Variants in PELI2 observed in about 807,000 individuals in gnomAD.
PELI2 encodes E3 ubiquitin-protein ligase pellino homolog 2.
In PELI2, 23 loss-of-function variants were observed where a neutral mutation model predicts 42.3. That is an observed-to-expected ratio of 0.54 (90% CI 0.39 to 0.77). The LOEUF is 0.77. PELI2 is among the 30% of genes least tolerant of loss of function. The probability of loss-of-function intolerance (pLI) is 0.00; values close to 1 mark genes in which losing one functional copy is unlikely to be tolerated. For missense variants in PELI2, 463 were observed against 553.2 expected (o/e 0.84, Z 1.64); for synonymous variants, 245 against 212.2 (o/e 1.15, Z -1.34).
At chr14:56,198,010 A>ACACACACACACACC (rs772024884) in intron 2 of PELI2, among the ~76,000 whole-genome samples, 11 of 114,706 alleles carry the variant, frequency 9.6e-5, no homozygotes, top group African/African-American at 2.4e-4. Context: ...ACACACACAC[A>ACACACACACACACC]CACCCACCTC....
chr14:56,282,461 A>G (rs1163561423), intron 3 of PELI2, among the ~76,000 whole-genome samples: 1 of 152,074 alleles, frequency 6.6e-6, no homozygotes, highest in Non-Finnish European at 1.5e-5. Flanking sequence ...AAAATCTCCA[A>G]AATGATTAAC....
At chr14:56,278,821 T>C (rs1435236732) in intron 2 of PELI2, among the ~76,000 whole-genome samples, 1 of 152,154 alleles carries the variant, frequency 6.6e-6, no homozygotes, top group African/African-American at 2.4e-5. Context: ...TAAAATTTTG[T>C]TATACTTAAT....
chr14:56,235,415 C>G (rs1887755094), intron 2 of PELI2, among the ~76,000 whole-genome samples: 1 of 152,244 alleles, frequency 6.6e-6, no homozygotes, highest in South Asian at 2.1e-4. Flanking sequence ...TCTCAGAACT[C>G]TGGCTCACTC....
At chr14:56,148,581 T>C (rs1050134444) in intron 1 of PELI2, among the ~76,000 whole-genome samples, 1 of 152,212 alleles carries the variant, frequency 6.6e-6, no homozygotes, top group African/African-American at 2.4e-5. Context: ...CCTTGTCTGC[T>C]CCGAACATAT....
intron 2 of PELI2, among the ~76,000 whole-genome samples, chr14:56,240,997 C>T (rs1174666920): frequency 6.6e-6 from 1 of 152,032 alleles, no homozygotes; most frequent in Non-Finnish European, 1.5e-5. Context: ...GGGGATTTTT[C>T]AAAGTGAAAA....
At chr14:56,224,568 T>C (rs948179797) in intron 2 of PELI2, among the ~76,000 whole-genome samples, 3 of 152,246 alleles carry the variant, frequency 2.0e-5, no homozygotes, top group Non-Finnish European at 4.4e-5. Context: ...TAAAGTGTTA[T>C]GTATCTTTCT....
chr14:56,250,783 T>C (rs1888317822), intron 2 of PELI2, among the ~76,000 whole-genome samples: 3 of 152,148 alleles, frequency 2.0e-5, no homozygotes, highest in Admixed American at 2.0e-4. Flanking sequence ...TAATCTCCTT[T>C]GGCGACACCC....
chr14:56,183,774 A>G (rs1191567427), intron 2 of PELI2, among the ~76,000 whole-genome samples: 1 of 152,194 alleles, frequency 6.6e-6, no homozygotes, highest in Non-Finnish European at 1.5e-5. Flanking sequence ...GGAAGGAACA[A>G]CATCTGAAAT....
chr14:56,202,154 G>T (rs891791986), intron 2 of PELI2, among the ~76,000 whole-genome samples: 4 of 152,106 alleles, frequency 2.6e-5, no homozygotes, highest in African/African-American at 9.7e-5. Context: ...GCCATAGAAG[G>T]TATTTGTTGT....
At chr14:56,181,288 G>A (rs1368325654) in intron 2 of PELI2, among the ~76,000 whole-genome samples, 1 of 150,214 alleles carries the variant, frequency 6.7e-6, no homozygotes, top group Admixed American at 6.6e-5. Context: ...GGGCTCTATG[G>A]ATATCCTTCT....
chr14:56,251,313 C>G (rs1888335708), intron 2 of PELI2, among the ~76,000 whole-genome samples: 2 of 152,206 alleles, frequency 1.3e-5, no homozygotes, highest in African/African-American at 4.8e-5. Flanking sequence ...AAGATAGTAG[C>G]ATAATATTTG....
chr14:56,215,435 ATTTGGGGTTTCCTC>A (rs1886873741), intron 2 of PELI2, among the ~76,000 whole-genome samples: 1 of 152,156 alleles, frequency 6.6e-6, no homozygotes, highest in Non-Finnish European at 1.5e-5. Flanking sequence ...TTTTCACATG[ATTTGGGGTTTCCTC>A]AATAGGTAGG....
intron 1 of PELI2, among the ~76,000 whole-genome samples, chr14:56,147,225 T>C (rs1181691889): frequency 6.6e-6 from 1 of 152,254 alleles, no homozygotes; most frequent in African/African-American, 2.4e-5. Context: ...TTGGATTGTC[T>C]TCAAGTTTTG....
At chr14:56,193,735 C>T (rs1333513073) in intron 2 of PELI2, among the ~76,000 whole-genome samples, 3 of 152,124 alleles carry the variant, frequency 2.0e-5, no homozygotes, top group South Asian at 2.1e-4. Flanking sequence ...TTTTAAAACA[C>T]GCTTCTGATA....
intron 1 of PELI2, among the ~76,000 whole-genome samples, chr14:56,165,466 A>T (rs1884921542): frequency 6.6e-6 from 1 of 152,142 alleles, no homozygotes; most frequent in African/African-American, 2.4e-5. Flanking sequence ...TCAAGCGCAT[A>T]TGTGACCTAA....
At chr14:56,229,658 G>T (rs72491385) in intron 2 of PELI2, among the ~76,000 whole-genome samples, 1 of 152,168 alleles carries the variant, frequency 6.6e-6, no homozygotes, top group Non-Finnish European at 1.5e-5. Flanking sequence ...GAGCAGAAAA[G>T]CTGAAAATTC....
intron 1 of PELI2, among the ~76,000 whole-genome samples, chr14:56,132,552 C>T (rs1339585653): frequency 1.3e-5 from 2 of 152,130 alleles, no homozygotes; most frequent in Admixed American, 6.5e-5. Flanking sequence ...GCTTGGCCTG[C>T]TTATGTTCGT....
intron 4 of PELI2, among the ~76,000 whole-genome samples, chr14:56,289,053 G>A (rs921863827): frequency 6.6e-6 from 1 of 152,160 alleles, no homozygotes; most frequent in Admixed American, 6.5e-5. Flanking sequence ...TTAGTTATGG[G>A]ATTACAGAGA....
chr14:56,201,573 C>T (rs1175757574), intron 2 of PELI2, among the ~76,000 whole-genome samples: 1 of 152,122 alleles, frequency 6.6e-6, no homozygotes, highest in African/African-American at 2.4e-5. Context: ...ATATTTTTCC[C>T]TATATATTAT....
Sources: gnomAD v4.1 joint callset for allele counts (sites outside exome capture counted in the v4.1 genomes callset) on GRCh38, gnomAD v4.1.1 for gene constraint, MANE v1.5 for transcripts, NCBI Gene and HGNC (gene_info 2026-07-23, HGNC 2026-07-21) for gene names.